The following BBOF1 variants were observed in gnomAD, a reference collection of about 807,000 sequenced individuals.
The protein encoded by BBOF1 is basal body orientation factor 1, also known as basal body-orientation factor 1.
Under a neutral mutation model 68.0 loss-of-function variants are expected in BBOF1, and 62 were observed. The observed-to-expected ratio is 0.91, with a 90% CI of 0.74 to 1.13. The LOEUF is 1.13. Ranked by LOEUF, BBOF1 falls within the 50% of genes most tolerant of loss-of-function variation. BBOF1 has a pLI of 0.00. For synonymous variants in BBOF1, 208 were observed against 198.8 expected (o/e 1.05, Z -0.39); for missense variants, 534 against 600.1 (o/e 0.89, Z 1.15).
chr14:74,026,843 T>A (rs1247523193), intron 2 of BBOF1, among the ~76,000 whole-genome samples: 1 of 151,686 alleles, frequency 6.6e-6, no homozygotes, highest in Non-Finnish European at 1.5e-5. Context: ...GAGAATCGCT[T>A]GAACCCAGGA....
intron 11 of BBOF1, chr14:74,060,603 G>C: frequency 7.3e-7 from 1 of 1,368,458 alleles, no homozygotes; most frequent in Non-Finnish European, 1.0e-6. Flanking sequence ...AATAAAGGGA[G>C]ATTACTCAGG....
At position 74,049,979 on chromosome 14, in the gene BBOF1, C is replaced by G. The variant is rs1161299600; in HGVS notation, c.1070C>G (p.Thr357Arg). Residue 357 changes from threonine to arginine, a missense_variant, in exon 8 of 12, where the codon ACA becomes AGA. Thr to Arg is a moderately conservative substitution (Grantham distance 71). Transcript: ENST00000394009. Reference protein sequence around the residue: ...KLAKNILDERTEVERFFLDAL... With the variant: ...KLAKNILDERREVERFFLDAL... ...GCCAAGAACATACTGGATGAGAGAA[C>G]AGAAGTGGAAAGATTCTTTTTAGAT... is the stretch of plus-strand genomic sequence containing the variant. The G allele has an allele frequency of 6.2e-7, 1 of 1,614,102 alleles. No homozygotes were observed. The highest frequency in any genetic ancestry group is 2.2e-5 in the East Asian group (1 of 44,882).
At chr14:74,063,187 C>A (rs1319042798) in intron 11 of BBOF1, among the ~76,000 whole-genome samples, 1 of 144,370 alleles carries the variant, frequency 6.9e-6, no homozygotes, top group East Asian at 2.0e-4. Flanking sequence ...AGTAATAATT[C>A]TTCTTTTTTT....
chr14:74,027,385 CTTTTTTT>C (rs35107293), intron 2 of BBOF1, among the ~76,000 whole-genome samples: 82 of 61,098 alleles, frequency 1.3e-3, no homozygotes, highest in Non-Finnish European at 2.3e-3. Flanking sequence ...CCTCGCCCAG[CTTTTTTT>C]TTTTTTTTTT....
At chr14:74,027,488 C>T (rs561284883) in intron 2 of BBOF1, among the ~76,000 whole-genome samples, 5 of 135,622 alleles carry the variant, frequency 3.7e-5, no homozygotes, top group African/African-American at 1.4e-4. Context: ...ACAGTAATAA[C>T]TGAATCAGTC....
chr14:74,067,394 A>G, downstream of BBOF1: 1 of 1,613,534 alleles, frequency 6.2e-7, no homozygotes. Context: ...ATTGACTCTC[A>G]GGTTTTTGGC....
At chr14:74,071,913 T>G (rs761301246) in intron 9 of BBOF1, 12 of 1,614,168 alleles carry the variant, frequency 7.4e-6, no homozygotes, top group Middle Eastern at 1.6e-4. Context: ...TCGAAATACA[T>G]CTCCTTCAGC....
At chr14:74,055,396 G>A (rs182837799) in intron 8 of BBOF1, 188 bp from the exon 9 acceptor site, 17 of 482,940 alleles carry the variant, frequency 3.5e-5, no homozygotes, top group East Asian at 2.3e-4. Context: ...TGATCCACCC[G>A]CCTCGGCCTC....
chr14:74,049,857 C>T lies in BBOF1; in HGVS notation c.948C>T (p.His316=), dbSNP rs750931918. The T allele has an allele frequency of 4.1e-5, 66 of 1,614,002 alleles. No homozygotes were observed. The highest frequency in any genetic ancestry group is 5.1e-5 in the Non-Finnish European group (60 of 1,180,034). The change falls in exon 8 of 12, where the codon CAC becomes CAT. Residue 316 remains histidine, a synonymous_variant. Transcript: ENST00000394009. ...FESEVLKLQQ[H]AMIENQAGQV... ...GTGAAGTTTTAAAACTGCAGCAACA[C>T]GCAATGATAGAGAACCAAGCAGGTC...
downstream of BBOF1, chr14:74,066,941 T>C: frequency 6.5e-7 from 1 of 1,539,672 alleles, no homozygotes; most frequent in Non-Finnish European, 9.0e-7. Context: ...TTATGACTGC[T>C]GCCAGGGCTC....
chr14:74,032,097 CA>C (rs2059582911), intron 3 of BBOF1, among the ~76,000 whole-genome samples: 1 of 150,002 alleles, frequency 6.7e-6, no homozygotes. Flanking sequence ...GCTTTACCAA[CA>C]GAGTCTATTC....
chr14:74,028,467 TACACACACACACACACAC>T lies in BBOF1; in HGVS notation c.286-689_286-672del, dbSNP rs34677110. 6.1e-4 allele frequency among the ~76,000 whole-genome samples: 84 copies of T among 138,294 alleles called. 1 individual carries two copies. Among genetic ancestry groups the T allele is most frequent in the Admixed American group, 1.3e-3 (18 of 13,572 alleles). 90.7% of individuals were successfully genotyped at this position (138,294 alleles called of 152,430 possible). On this transcript the variant is annotated intron_variant, in intron 2 of 11. Transcript: ENST00000394009. ...ACATTACCCTTTACCACTAAAGAAA[TACACACACACACACACAC>T]ACACACACACACACACACACACACA...
intron 2 of BBOF1, among the ~76,000 whole-genome samples, chr14:74,025,704 TA>T (rs1237751378): frequency 1.3e-5 from 2 of 152,200 alleles, no homozygotes; most frequent in African/African-American, 4.8e-5. Flanking sequence ...ACATTGTACA[TA>T]GTATCTCACT....
intron 9 of BBOF1, chr14:74,072,599 G>C (rs772666538): frequency 6.2e-7 from 1 of 1,613,448 alleles, no homozygotes; most frequent in East Asian, 2.2e-5. Context: ...CCAATGAAGA[G>C]CTTTACAGTT....
intron 11 of BBOF1, chr14:74,060,553 G>C: frequency 2.0e-6 from 2 of 980,684 alleles, no homozygotes; most frequent in Non-Finnish European, 3.3e-6. Context: ...CAATCCCATC[G>C]ATCTGATCTG....
intron 9 of BBOF1, among the ~76,000 whole-genome samples, chr14:74,075,487 G>A (rs1459844978): frequency 6.6e-6 from 1 of 151,850 alleles, no homozygotes; most frequent in Non-Finnish European, 1.5e-5. Context: ...GCAAAACCTT[G>A]TCTACAAAAA....
intron 4 of BBOF1, among the ~76,000 whole-genome samples, chr14:74,037,728 C>T (rs548555168): frequency 1.3e-5 from 2 of 151,904 alleles, no homozygotes; most frequent in African/African-American, 4.8e-5. Flanking sequence ...CCGAGGCAGG[C>T]GGATGACCTG....
At chr14:74,067,291 T>G, downstream of BBOF1, 6 of 1,423,272 alleles carry the variant, frequency 4.2e-6, no homozygotes, top group Non-Finnish European at 4.9e-6. Context: ...TAGACATGAT[T>G]GTTCCCACTG....
In BBOF1 at chr14:74,038,790, G is replaced by A. The variant is rs944660727; in HGVS notation, c.496-1775G>A. The stretch of plus-strand genomic sequence containing the variant: ...AGGCTAAGGTGGGTAGAATGCTTGA[G>A]CCCAGGAGTTCAAGACCAGCCTAGG... On this transcript the variant is annotated intron_variant, in intron 4 of 11. Coordinates refer to ENST00000394009, the MANE Select transcript of BBOF1 (RefSeq NM_025057.3). Among the ~76,000 whole-genome samples, 12 of 152,124 alleles carry A rather than the reference G, an allele frequency of 7.9e-5. No homozygotes were observed. In the East Asian group the frequency reaches 1.7e-3, roughly 22 times the overall value.
Sources: allele counts gnomAD v4.1 joint callset (sites outside exome capture counted in the v4.1 genomes callset), GRCh38; gene constraint gnomAD v4.1.1; transcripts MANE v1.5; gene names NCBI Gene and HGNC (gene_info 2026-07-23, HGNC 2026-07-21).